Variants in MAN2B1 observed in about 807,000 individuals in gnomAD.
The protein encoded by MAN2B1 is mannosidase alpha class 2B member 1.
In MAN2B1, 99 loss-of-function variants were observed where a neutral mutation model predicts 127.5. The ratio of observed to expected loss-of-function variants is 0.78; its 90% CI spans 0.66 to 0.92. The LOEUF (loss-of-function observed/expected upper bound fraction) is 0.92, where lower values mean the gene tolerates loss of function less well. Among genes scored for constraint, MAN2B1 ranks in the 40% least tolerant of loss-of-function variants. The pLI is 0.00. For synonymous variants in MAN2B1, 573 were observed against 568.8 expected (o/e 1.01, Z -0.11); for missense variants, 1,304 against 1,384.8 (o/e 0.94, Z 0.93).
At position 12,656,637 on chromosome 19, in the gene MAN2B1, T is replaced by A. The variant is rs768096085; in HGVS notation, c.1578A>T (p.Val526=). 1.7e-5 allele frequency: 28 copies of A among 1,613,836 alleles called. No homozygotes were observed. The highest frequency in any genetic ancestry group is 2.2e-5 in the Non-Finnish European group (26 of 1,179,946). Reference sequence around the variant, plus strand: ...AAACGCCTTCGCTGACCGGCAGCCGTACCATCCAATTCACCTTCCGCCCCA... The same window carrying A: ...AAACGCCTTCGCTGACCGGCAGCCGAACCATCCAATTCACCTTCCGCCCCA... ...NPLGRKVNWM[V]RLPVSEGVFV... Residue 526 remains valine, a synonymous_variant, in exon 13 of 24, where the codon GTA becomes GTT. Transcript: ENST00000456935.
chr19:12,658,975 G>A (rs1405123273), intron 7 of MAN2B1: 2 of 256,202 alleles, frequency 7.8e-6, no homozygotes, highest in African/African-American at 2.3e-5. Context: ...TCCAGCCTCA[G>A]CCTCATGAGT....
chr19:12,653,181 C>T lies in MAN2B1; in HGVS notation c.1831-721G>A, dbSNP rs376599115. ...TTTTTGAGACTGAGTCTCGCTCTAT[C>T]GCCCAGGCTGGAGTGCAGAAAGTGG... On this transcript the variant is annotated intron_variant, in intron 14 of 23. Transcript: ENST00000456935. 2.1e-5 allele frequency among the ~76,000 whole-genome samples: 3 copies of T among 142,496 alleles called. No individual in the cohort carries two copies. The East Asian group carries it at 6.3e-4, about 30-fold the overall frequency. The allele number at this position is 142,496 out of a possible 152,430, so 93.5% of individuals were successfully genotyped here. A position where few individuals can be genotyped will look rare whatever the true frequency, so the allele number is the denominator to read the frequency against.
intron 9 of MAN2B1, 41 bp from the exon 10 acceptor site, chr19:12,658,182 G>C (rs754987519): frequency 6.2e-7 from 1 of 1,613,672 alleles, no homozygotes; most frequent in Non-Finnish European, 8.5e-7. Flanking sequence ...AGCCTGTCGG[G>C]CCTCGGGGCT....
intron 7 of MAN2B1, among the ~76,000 whole-genome samples, chr19:12,660,055 T>C (rs933456341): frequency 2.0e-5 from 3 of 152,198 alleles, no homozygotes; most frequent in South Asian, 4.1e-4. Context: ...CACAGGCCAC[T>C]TAGTGCAAAA....
Position 12,658,340 on chromosome 19 carries a change from C to A in MAN2B1, c.1114G>T (p.Val372Leu), listed in dbSNP as rs745579139. The A allele has an allele frequency of 1.9e-6, 3 of 1,614,248 alleles. No homozygotes were observed. The East Asian group carries it at 6.7e-5, about 36-fold the overall frequency. ...TAAGGGAAGAAGTCGTCATGTTTCA[C>A]TGACCTACAGCGGCAGGGGCATTGA... The part of the protein sequence containing the change: ...ELNKANLTWS[V>L]KHDDFFPYAD... Residue 372 changes from valine to leucine, a missense_variant, in exon 9 of 24, where the codon GTG becomes TTG. Val to Leu is a conservative substitution (Grantham distance 32). Transcript: ENST00000456935.
At position 12,648,223 on chromosome 19, in the gene MAN2B1, G is replaced by A. The variant is rs1211391418; in HGVS notation, c.2616C>T (p.Ala872=). The A allele has an allele frequency of 5.7e-6, 9 of 1,579,802 alleles. No individual in the cohort carries two copies. In the East Asian group the frequency reaches 2.1e-4, roughly 37 times the overall value. Reference sequence around the variant, plus strand: ...GATTGTAGGCGGCGCCGCCACCCGGGGCCAGCACCACCTGAGGGGCCAGGA... The same window carrying A: ...GATTGTAGGCGGCGCCGCCACCCGGAGCCAGCACCACCTGAGGGGCCAGGA... The part of the protein sequence containing the change: ...QEVLAPQVVL[A]PGGGAAYNLG... Residue 872 remains alanine (A), a synonymous_variant, in exon 21 of 24, where the codon GCC becomes GCT. Coordinates refer to ENST00000456935, the MANE Select transcript of MAN2B1 (RefSeq NM_000528.4).
At chr19:12,651,768 T>C (rs1048440418) in intron 16 of MAN2B1, among the ~76,000 whole-genome samples, 2 of 152,106 alleles carry the variant, frequency 1.3e-5, no homozygotes, top group African/African-American at 4.8e-5. Flanking sequence ...GGGTGGACTC[T>C]CAAATATTCA....
At position 12,652,236 on chromosome 19, in the gene MAN2B1, G is replaced by T; in HGVS notation, c.1963C>A (p.Gln655Lys). 1 of 1,614,130 alleles carries T rather than the reference G, an allele frequency of 6.2e-7. No individual in the cohort carries two copies. The highest frequency in any genetic ancestry group is 8.5e-7 in the Non-Finnish European group (1 of 1,180,024). The change falls in exon 16 of 24, where the codon CAG becomes AAG. Residue 655 changes from glutamine to lysine, a missense_variant. Physicochemically the swap from Gln to Lys is moderately conservative, Grantham distance 53 (BLOSUM62 1). Transcript: ENST00000456935. ...CTGAAGATGTAGGCACCTGAGGCCT[G>T]GTCACTTTCGTTGTCACCTATACTG... ...NASIGDNESD[Q>K]ASGAYIFRPN...
At position 12,647,561 on chromosome 19, in the gene MAN2B1, T is replaced by A. The variant is rs774352491; in HGVS notation, c.2702A>T (p.His901Leu). 6.2e-7 allele frequency: 1 copy of A among 1,613,162 alleles called. No homozygotes were observed. Among genetic ancestry groups the A allele is most frequent in the African/African-American group, 1.3e-5 (1 of 74,650 alleles). The change falls in exon 22 of 24, where the codon CAC becomes CTC. Residue 901 changes from histidine (H) to leucine (L), a missense_variant. His to Leu is a moderately conservative substitution (Grantham distance 99). Transcript: ENST00000456935. The surrounding 1 kb of genome is among the most constrained non-coding windows in gnomAD (Gnocchi z 4.9). ...GLRRDLPPSV[H>L]LLTLASWGPE... ...GCCCCAGCTGGCCAGCGTGAGCAGG[T>A]GCACCGAGGGCGGCAGGTCCCTGCG...
intron 2 of MAN2B1, 62 bp from the exon 3 acceptor site, chr19:12,665,587 A>C: frequency 6.2e-7 from 1 of 1,604,320 alleles, no homozygotes; most frequent in Non-Finnish European, 8.5e-7. Context: ...ATTCCTAGAC[A>C]GAGGAGCCCA....
rs1055038086 is a variant in MAN2B1, at chr19:12,665,495, T to C, written c.293A>G (p.Gln98Arg). Residue 98 changes from glutamine to arginine, a missense_variant, in exon 3 of 24, where the codon CAG (glutamine) becomes CGG (arginine). Gln to Arg is a conservative substitution (Grantham distance 43, BLOSUM62 1). Transcript: ENST00000456935. Reference sequence around the variant, plus strand: ...AGAGATGACCGAGTCCAGGATGTACTGCACACCGGCGTGCTGGATGTCATT... The same window carrying C: ...AGAGATGACCGAGTCCAGGATGTACCGCACACCGGCGTGCTGGATGTCATT... ...IKNDIQHAGV[Q>R]YILDSVISAL... The C allele has an allele frequency of 2.5e-6, 4 of 1,614,200 alleles. No homozygotes were observed. The highest frequency in any genetic ancestry group is 3.4e-6 in the Non-Finnish European group (4 of 1,180,046).
At chr19:12,651,305 C>G (rs1323468469) in intron 16 of MAN2B1, among the ~76,000 whole-genome samples, 1 of 152,172 alleles carries the variant, frequency 6.6e-6, no homozygotes, top group African/African-American at 2.4e-5. Flanking sequence ...GTGGTGTCAA[C>G]AATGTTCCTT....
chr19:12,663,739 T>C lies in MAN2B1; in HGVS notation c.727A>G (p.Thr243Ala). The change falls in exon 5 of 24, where the codon ACC becomes GCC. Residue 243 changes from threonine (T) to alanine (A), a missense_variant. Transcript: ENST00000456935. ...LEMEQVWRAS[T>A]SLKPPTADLF... The stretch of plus-strand genomic sequence containing the variant: ...TCCGCGGTCGGGGGCTTCAGGCTGG[T>C]GCTGGCCCGCCACACCTGCTCCATC... 1.2e-6 allele frequency: 2 copies of C among 1,613,550 alleles called. No individual in the cohort carries two copies. The highest frequency in any genetic ancestry group is 1.1e-5 in the South Asian group (1 of 91,068).
At position 12,661,357 on chromosome 19, in the gene MAN2B1, T is replaced by A. The variant is rs1199345135; in HGVS notation, c.929A>T (p.Asn310Ile). The change falls in exon 7 of 24, where the codon AAC (asparagine) becomes ATC (isoleucine). Residue 310 changes from asparagine to isoleucine, a missense_variant. Asn to Ile is a moderately radical substitution (Grantham distance 149). Coordinates refer to ENST00000456935, the MANE Select transcript of MAN2B1 (RefSeq NM_000528.4). ...CGAGCCCATGGTCATCACAGTGTGG[T>A]TGGTGCGGTAATACCGGCCCTGCAG... ...ATAQGRYYRTNHTVMTMGSDF... is the reference protein window; with the variant it reads ...ATAQGRYYRTIHTVMTMGSDF... The A allele has an allele frequency of 1.2e-6, 2 of 1,613,498 alleles. No individual in the cohort carries two copies. The highest frequency in any genetic ancestry group is 2.2e-5 in the South Asian group (2 of 91,080).
chr19:12,666,161 C>T (rs1050895542), intron 1 of MAN2B1, among the ~76,000 whole-genome samples: 3 of 152,074 alleles, frequency 2.0e-5, no homozygotes, highest in Non-Finnish European at 4.4e-5. Context: ...AGGTGACTTG[C>T]CCAACGTCAC....
At chr19:12,649,312 T>C in intron 19 of MAN2B1, 29 bp downstream of exon 19, 1 of 1,604,928 alleles carries the variant, frequency 6.2e-7, no homozygotes, top group Non-Finnish European at 8.5e-7. Context: ...TCTATCGAGG[T>C]GGGGAGGTGC....
intron 14 of MAN2B1, 69 bp from the exon 15 acceptor site, chr19:12,652,529 CTTTTTTCTTTTTTT>C (rs2023863915): frequency 2.1e-6 from 2 of 970,578 alleles, no homozygotes; most frequent in African/African-American, 4.7e-5. Flanking sequence ...TTTAATTTTT[CTTTTTTCTTTTTTT>C]TTTTTTGAGA....
intron 5 of MAN2B1, 101 bp downstream of exon 5, chr19:12,663,602 T>G: frequency 6.5e-7 from 1 of 1,542,256 alleles, no homozygotes; most frequent in Non-Finnish European, 8.8e-7. Context: ...GTTCCCAGAC[T>G]ATAGGAATTC....
In MAN2B1 at chr19:12,663,482, C is replaced by T. The variant is rs772796727; in HGVS notation, c.764-20G>A. 10 of 1,612,900 alleles carry T rather than the reference C, an allele frequency of 6.2e-6. No individual in the cohort carries two copies. The highest frequency in any genetic ancestry group is 8.5e-6 in the Non-Finnish European group (10 of 1,179,718). The stretch of plus-strand genomic sequence containing the variant: ...GCACACCTGCAGGTCACACCAAGTT[C>T]AAGGGGTGGCCCATCACCCAGACCT... On this transcript the variant is annotated intron_variant, in intron 5 of 23. Transcript: ENST00000456935.
Sources: gnomAD v4.1 joint callset for allele counts (sites outside exome capture counted in the v4.1 genomes callset) on GRCh38, gnomAD v4.1.1 for gene constraint, Gnocchi (gnomAD v3.1) non-coding constraint, MANE v1.5 for transcripts, NCBI Gene and HGNC (gene_info 2026-07-23, HGNC 2026-07-21) for gene names.